The following WDR64 variants were observed in gnomAD, a reference collection of about 807,000 sequenced individuals.
WDR64 encodes the protein WD repeat domain 64, also known as WD repeat-containing protein 64.
Under a neutral mutation model 139.3 loss-of-function variants are expected in WDR64, and 112 were observed. The observed-to-expected ratio is 0.80, with a 90% CI of 0.69 to 0.94. The LOEUF is 0.94. Ranked by LOEUF, WDR64 falls within the 40% of genes least tolerant of loss-of-function variation. WDR64 has a pLI of 0.00. For synonymous variants in WDR64, 444 were observed against 437.7 expected (o/e 1.01, Z -0.18); for missense variants, 1,206 against 1,293.1 (o/e 0.93, Z 1.03).
At chr1:241,790,438 G>A in intron 24 of WDR64, among the ~76,000 whole-genome samples, 153 bp from the exon 25 acceptor site, 1 of 152,156 alleles carries the variant, frequency 6.6e-6, no homozygotes. Context: ...AAACCAACTG[G>A]TATAAGAGTT....
In WDR64 at chr1:241,769,479, C is replaced by T; in HGVS notation, c.2157C>T (p.Phe719=). 1 of 1,551,480 alleles carries T rather than the reference C, an allele frequency of 6.4e-7. No homozygotes were observed. The highest frequency in any genetic ancestry group is 8.7e-7 in the Non-Finnish European group (1 of 1,146,944). Residue 719 remains phenylalanine (F), a synonymous_variant, in exon 17 of 28, where the codon TTC becomes TTT. Coordinates refer to ENST00000437684, the MANE Select transcript of WDR64 (RefSeq NM_001367482.1). ...PKHFKINDIL[F]LFRTPECARR... ...ACTTTAAAATTAATGACATACTGTT[C>T]CTCTTTCGTACCCCTGAATGTGCAA...
chr1:241,729,264 G>A (rs762495505), intron 10 of WDR64, among the ~76,000 whole-genome samples: 5 of 152,022 alleles, frequency 3.3e-5, no homozygotes, highest in East Asian at 1.9e-4. Context: ...CCACCAAGGG[G>A]CTCCCAGTTG....
intron 10 of WDR64, among the ~76,000 whole-genome samples, chr1:241,732,368 GAAC>G (rs908861893): frequency 2.8e-4 from 43 of 152,220 alleles, no homozygotes; most frequent in Middle Eastern, 6.8e-3. Context: ...ATCTACTCAA[GAAC>G]AACAGGGCTT....
Position 241,701,102 on chromosome 1 carries a change from C to T in WDR64, c.975-10700C>T, listed in dbSNP as rs181078369. The stretch of plus-strand genomic sequence containing the variant: ...ATTTTTTTATATAAAGACTGGACAT[C>T]GTCTTCTTTTTGACAAGAAAAATAT... On this transcript the variant is annotated intron_variant, in intron 8 of 27. Transcript: ENST00000437684. Among the ~76,000 whole-genome samples the T allele has an allele frequency of 3.9e-5, 6 of 152,262 alleles. No individual in the cohort carries two copies. In the East Asian group the frequency reaches 5.8e-4, roughly 15 times the overall value.
intron 10 of WDR64, among the ~76,000 whole-genome samples, chr1:241,734,927 A>G (rs1204390914): frequency 1.3e-5 from 2 of 152,304 alleles, no homozygotes; most frequent in South Asian, 2.1e-4. Context: ...TCACCTAAGG[A>G]CACATTTCTC....
Position 241,738,353 on chromosome 1 carries a change from A to T in WDR64, c.1195-10A>T, listed in dbSNP as rs1468167407. The T allele has an allele frequency of 6.2e-7, 1 of 1,610,676 alleles. No individual in the cohort carries two copies. The highest frequency in any genetic ancestry group is 1.3e-5 in the African/African-American group (1 of 74,754). On this transcript the variant is annotated splice_polypyrimidine_tract_variant and intron_variant, in intron 10 of 27. Transcript: ENST00000437684. Reference sequence around the variant, plus strand: ...TAAATAGTGGTAAACTGTGTTTGTTATTCTTCCAGGTTTTCCGGGTGTGGG... The same window carrying T: ...TAAATAGTGGTAAACTGTGTTTGTTTTTCTTCCAGGTTTTCCGGGTGTGGG...
intron 3 of WDR64, among the ~76,000 whole-genome samples, chr1:241,671,584 G>A (rs1558463502): frequency 6.6e-6 from 1 of 151,982 alleles, no homozygotes; most frequent in Non-Finnish European, 1.5e-5. Context: ...CATCTACCCG[G>A]GATTATCTTA....
At chr1:241,753,152 C>T (rs1670041747) in intron 14 of WDR64, among the ~76,000 whole-genome samples, 1 of 152,128 alleles carries the variant, frequency 6.6e-6, no homozygotes, top group South Asian at 2.1e-4. Context: ...CTAGCTAAAG[C>T]CCTCATTTTG....
At position 241,652,536 on chromosome 1, in the gene WDR64, T is replaced by G. The variant is rs1388070188; in HGVS notation, c.52T>G (p.Phe18Val). 1 of 1,552,238 alleles carries G rather than the reference T, an allele frequency of 6.4e-7. No homozygotes were observed. The highest frequency in any genetic ancestry group is 2.4e-5 in the East Asian group (1 of 40,918). The change falls in exon 1 of 28, where the codon TTC becomes GTC. Residue 18 changes from phenylalanine (F) to valine (V), a missense_variant. Coordinates refer to ENST00000437684, the MANE Select transcript of WDR64 (RefSeq NM_001367482.1). Reference protein sequence around the residue: ...RLNMALQMSNFKKALNRFEKL... With the variant: ...RLNMALQMSNVKKALNRFEKL... ...CAACATGGCACTTCAGATGAGCAAT[T>G]TCAAAAAGGCTTTGAACAGGTTTGA...
At position 241,683,541 on chromosome 1, in the gene WDR64, G is replaced by T; in HGVS notation, c.679G>T (p.Val227Leu). 2.6e-6 allele frequency: 4 copies of T among 1,551,648 alleles called. No individual in the cohort carries two copies. The African/African-American group carries it at 4.1e-5, about 16-fold the overall frequency. ...TCACTGCCTCCTGTGTGTGTGTGTG[G>T]TGCCTTTGCCTGACCATCTCTGCCG... is the stretch of plus-strand genomic sequence containing the variant. ...MDHCLLCVCV[V>L]PLPDHLCRDD... The change falls in exon 7 of 28, where the codon GTG becomes TTG. Residue 227 changes from valine (V) to leucine (L), a missense_variant. Val to Leu is a conservative substitution (Grantham distance 32). Coordinates refer to ENST00000437684, the MANE Select transcript of WDR64 (RefSeq NM_001367482.1).
At chr1:241,662,391 C>T (rs1440000339) in intron 2 of WDR64, among the ~76,000 whole-genome samples, 3 of 152,064 alleles carry the variant, frequency 2.0e-5, no homozygotes, top group South Asian at 2.1e-4. Context: ...AATGCCTTGC[C>T]GTTGTAAGTC....
rs777270740 is a variant in WDR64 at position 241,783,308 on chromosome 1, T to C, written c.2632T>C (p.Leu878=). The C allele has an allele frequency of 3.8e-5, 62 of 1,614,018 alleles. 1 individual carries two copies. In the South Asian group the frequency reaches 6.2e-4, roughly 16 times the overall value. Residue 878 remains leucine (L), a synonymous_variant, in exon 23 of 28, where the codon TTG becomes CTG. Coordinates refer to ENST00000437684, the MANE Select transcript of WDR64 (RefSeq NM_001367482.1). ...GCTGCTTTCCTGGCGTGCTCATTCT[T>C]TGGAAATTATTCAAGTAATCTATGT... The part of the protein sequence containing the change: ...KQLLSWRAHS[L]EIIQVIYVEE...
chr1:241,789,923 C>A (rs1286077209), intron 24 of WDR64, among the ~76,000 whole-genome samples: 1 of 152,138 alleles, frequency 6.6e-6, no homozygotes, highest in African/African-American at 2.4e-5. Flanking sequence ...TAAATATATA[C>A]ATAATTAAGT....
At chr1:241,726,571 AG>A (rs1668849064) in intron 10 of WDR64, among the ~76,000 whole-genome samples, 1 of 152,122 alleles carries the variant, frequency 6.6e-6, no homozygotes, top group Non-Finnish European at 1.5e-5. Flanking sequence ...AAAATTCAAG[AG>A]GAAAAAAAGG....
chr1:241,655,112 C>T (rs557207081), intron 1 of WDR64, among the ~76,000 whole-genome samples: 54 of 152,276 alleles, frequency 3.5e-4, no homozygotes, highest in East Asian at 7.7e-4. Context: ...TGGCCAGGCG[C>T]GGTGGCTCAC....
At chr1:241,749,230 T>C (rs73124322) in intron 13 of WDR64, among the ~76,000 whole-genome samples, 6,272 of 152,246 alleles carry the variant, frequency 0.041, 413 homozygotes, top group African/African-American at 0.14. Context: ...TTTAGCACAC[T>C]GAGAAGCGTT....
At chr1:241,683,365 TATAAG>T in intron 6 of WDR64, 117 bp from the exon 7 acceptor site, 1 of 862,718 alleles carries the variant, frequency 1.2e-6, no homozygotes. Context: ...CAAATTATCT[TATAAG>T]ATAGGTGTAT....
At chr1:241,687,226 C>T (rs747165542) in intron 7 of WDR64, among the ~76,000 whole-genome samples, 1 of 151,438 alleles carries the variant, frequency 6.6e-6, no homozygotes, top group Non-Finnish European at 1.5e-5. Flanking sequence ...ATTGCTTGAA[C>T]CCAGGAGGCA....
intron 27 of WDR64, among the ~76,000 whole-genome samples, chr1:241,797,559 CAAT>C (rs1318171472): frequency 9.2e-5 from 14 of 152,262 alleles, no homozygotes; most frequent in Admixed American, 2.6e-4. Context: ...ACAACAACAA[CAAT>C]ATTCAAAGCT....
Sources: allele counts gnomAD v4.1 joint callset (sites outside exome capture counted in the v4.1 genomes callset), GRCh38; gene constraint gnomAD v4.1.1; transcripts MANE v1.5; gene names NCBI Gene and HGNC (gene_info 2026-07-23, HGNC 2026-07-21).